The following ANXA6 variants were observed in gnomAD, a reference collection of about 807,000 sequenced individuals.
ANXA6 encodes annexin A6, also known as 67 kDa calelectrin.
In ANXA6, 71 loss-of-function variants were observed where a neutral mutation model predicts 95.4. That is an observed-to-expected ratio of 0.74 (90% CI 0.61 to 0.91). The LOEUF is 0.91. Ranked by LOEUF, ANXA6 falls within the 40% of genes least tolerant of loss-of-function variation. ANXA6 has a pLI of 0.00. For synonymous variants in ANXA6, 289 were observed against 315.9 expected, an observed-to-expected ratio of 0.91 and a Z score of 0.90; for missense variants, 830 against 876.4, an observed-to-expected ratio of 0.95 and a Z score of 0.67.
chr5:151,144,527 G>A (rs1051574759), intron 2 of ANXA6, among the ~76,000 whole-genome samples: 1 of 152,086 alleles, frequency 6.6e-6, no homozygotes, highest in Non-Finnish European at 1.5e-5. Context: ...GAAGGGATGC[G>A]GAGAAGAGGG....
rs1006907967 is a variant in ANXA6, at chr5:151,139,095, C to A, written c.204+258G>T. On this transcript the variant is annotated intron_variant, in intron 4 of 25. Coordinates refer to ENST00000354546, the MANE Select transcript of ANXA6 (RefSeq NM_001155.5). ...TGTATCTCTCTCACTATCTGGCAGT[C>A]CACAGAGTTGACACCTCACCCATCT... is the stretch of plus-strand genomic sequence containing the variant. 1.7e-4 allele frequency: 102 copies of A among 588,224 alleles called. No individual in the cohort carries two copies. In the East Asian group the frequency reaches 2.9e-3, roughly 17 times the overall value. The allele number at this position is 588,224 out of a possible 1,614,324, so 36.4% of individuals were successfully genotyped here.
chr5:151,128,299 AG>A, intron 12 of ANXA6, 60 bp from the exon 13 acceptor site: 1 of 1,446,534 alleles, frequency 6.9e-7, no homozygotes, highest in African/African-American at 1.4e-5. Context: ...TCAGACAAGG[AG>A]GTGAAGGTTC....
chr5:151,136,693 T>C (rs2113939734), intron 6 of ANXA6, among the ~76,000 whole-genome samples: 1 of 152,280 alleles, frequency 6.6e-6, no homozygotes, highest in East Asian at 1.9e-4. Context: ...CAACTTCTCA[T>C]TAGACTCAGA....
chr5:151,136,439 C>T (rs1337809894), intron 6 of ANXA6, 104 bp from the exon 7 acceptor site: 1 of 1,111,690 alleles, frequency 9.0e-7, no homozygotes, highest in Non-Finnish European at 1.3e-6. Context: ...TTAAGAATTC[C>T]AAAACCCAGT....
chr5:151,119,288 T>G lies in ANXA6; in HGVS notation c.1438+12A>C. ...TTCTCCCAGCATCTGGGCCCAGGCCTCCCAAACTCACCCTCCTTATAGGCC... is the reference window on the plus strand; with the variant it reads ...TTCTCCCAGCATCTGGGCCCAGGCCGCCCAAACTCACCCTCCTTATAGGCC... On this transcript the variant is annotated intron_variant, in intron 18 of 25. Transcript: ENST00000354546. 6.2e-7 allele frequency: 1 copy of G among 1,611,106 alleles called. No homozygotes were observed. Among genetic ancestry groups the G allele is most frequent in the Non-Finnish European group, 8.5e-7 (1 of 1,178,450 alleles).
At chr5:151,148,857 C>T (rs570766280) in intron 1 of ANXA6, among the ~76,000 whole-genome samples, 3 of 151,884 alleles carry the variant, frequency 2.0e-5, no homozygotes, top group Non-Finnish European at 2.9e-5. Flanking sequence ...GATCTGAGAC[C>T]GGTGCCTGAG....
intron 5 of ANXA6, among the ~76,000 whole-genome samples, chr5:151,138,182 T>C (rs778870526): frequency 9.9e-5 from 15 of 152,144 alleles, no homozygotes; most frequent in Admixed American, 1.3e-4. Flanking sequence ...AGGGGGCAAT[T>C]CTCTACCTCT....
chr5:151,108,607 A>AC, intron 22 of ANXA6, 57 bp from the exon 23 acceptor site: 1 of 1,464,954 alleles, frequency 6.8e-7, no homozygotes, highest in Admixed American at 1.7e-5. Flanking sequence ...GAGGCGGAGG[A>AC]CCCCTCCTCA....
intron 7 of ANXA6, among the ~76,000 whole-genome samples, chr5:151,135,293 G>A (rs1232306272): frequency 1.3e-5 from 2 of 152,096 alleles, no homozygotes; most frequent in South Asian, 2.1e-4. Context: ...GATACAAAAC[G>A]CTTGACTCCA....
At position 151,119,311 on chromosome 5, in the gene ANXA6, G is replaced by T. The variant is rs1765095065; in HGVS notation, c.1427C>A (p.Ala476Asp). The T allele has an allele frequency of 6.2e-7, 1 of 1,613,148 alleles. No individual in the cohort carries two copies. The highest frequency in any genetic ancestry group is 8.5e-7 in the Non-Finnish European group (1 of 1,179,802). ...TNAEIRAINE[A>D]YKEDYHKSLE... ...CCTCCCAAACTCACCCTCCTTATAG[G>T]CCTCATTGATGGCCCGGATTTCAGC... Residue 476 changes from alanine to aspartate, a missense_variant, in exon 18 of 26, where the codon GCC becomes GAC. Physicochemically the swap from Ala to Asp is moderately radical, Grantham distance 126. Transcript: ENST00000354546.
intron 2 of ANXA6, among the ~76,000 whole-genome samples, chr5:151,145,725 A>C (rs1765959105): frequency 1.3e-5 from 2 of 152,188 alleles, no homozygotes. Context: ...ACTGCAGCTC[A>C]ACGGCAGGGA....
intron 22 of ANXA6, among the ~76,000 whole-genome samples, chr5:151,109,173 C>A (rs1037720379): frequency 1.3e-5 from 2 of 152,132 alleles, no homozygotes; most frequent in Non-Finnish European, 1.5e-5. Context: ...CAAGTCCATT[C>A]TTTTAGCCAC....
intron 2 of ANXA6, among the ~76,000 whole-genome samples, chr5:151,145,727 C>T (rs560979430): frequency 5.9e-5 from 9 of 152,292 alleles, no homozygotes; most frequent in South Asian, 2.1e-4. Flanking sequence ...TGCAGCTCAA[C>T]GGCAGGGAGG....
chr5:151,109,694 C>T, intron 22 of ANXA6, 59 bp downstream of exon 22: 2 of 1,353,504 alleles, frequency 1.5e-6, no homozygotes, highest in East Asian at 2.5e-5. Flanking sequence ...AGCTGAGAGG[C>T]TCTCATCAGA....
intron 17 of ANXA6, among the ~76,000 whole-genome samples, chr5:151,121,618 G>A (rs1765171063): frequency 6.6e-6 from 1 of 152,172 alleles, no homozygotes; most frequent in Non-Finnish European, 1.5e-5. Context: ...TGTAAGGAAT[G>A]GCCCAGTCAC....
At position 151,109,804 on chromosome 5, in the gene ANXA6, T is replaced by C. The variant is rs1764798214; in HGVS notation, c.1633A>G (p.Thr545Ala). ...GTACACAGGATCGTCATGAAACGTG[T>C]CTCCAAGGAAGTTTTGTCTCCACTA... ...TPSGDKTSLE[T>A]RFMTILCTRS... Residue 545 changes from threonine to alanine, a missense_variant, in exon 22 of 26, where the codon ACA becomes GCA. Coordinates refer to ENST00000354546, the MANE Select transcript of ANXA6 (RefSeq NM_001155.5). 1.2e-6 allele frequency: 2 copies of C among 1,611,358 alleles called. No individual in the cohort carries two copies. The highest frequency in any genetic ancestry group is 2.7e-5 in the African/African-American group (2 of 74,852).
At position 151,131,248 on chromosome 5, in the gene ANXA6, G is replaced by T. The variant is rs772868160; in HGVS notation, c.778C>A (p.Leu260Ile). 6.2e-7 allele frequency: 1 copy of T among 1,613,916 alleles called. No individual in the cohort carries two copies. The highest frequency in any genetic ancestry group is 1.3e-5 in the African/African-American group (1 of 74,950). ...CCACGCACCTTCATAGCCTTGAAGA[G>T]CCTTTCAGCAAAATATTCCGGGGTG... ...RSTPEYFAER[L>I]FKAMKGLGTR... Residue 260 changes from leucine to isoleucine, a missense_variant, in exon 11 of 26, where the codon CTC becomes ATC. By Grantham distance (5) the Leu-to-Ile change is conservative. Transcript: ENST00000354546.
At chr5:151,122,812 A>G in intron 16 of ANXA6, 105 bp downstream of exon 16, 4 of 977,764 alleles carry the variant, frequency 4.1e-6, no homozygotes, top group African/African-American at 1.6e-5. Flanking sequence ...TCCCTCTGCC[A>G]TGAAGACCCT....
At chr5:151,124,458 C>T in intron 14 of ANXA6, 91 bp from the exon 15 acceptor site, 2 of 1,315,188 alleles carry the variant, frequency 1.5e-6, no homozygotes, top group Non-Finnish European at 2.1e-6. Flanking sequence ...GAAGCTCACC[C>T]CATGAGCCCA....
Sources: gnomAD v4.1 joint callset for allele counts (sites outside exome capture counted in the v4.1 genomes callset) on GRCh38, gnomAD v4.1.1 for gene constraint, MANE v1.5 for transcripts, NCBI Gene and HGNC (gene_info 2026-07-23, HGNC 2026-07-21) for gene names.